The following TRPS1 variants were observed in gnomAD, a reference collection of about 807,000 sequenced individuals.
The protein encoded by TRPS1 is zinc finger transcription factor Trps1.
TRPS1 carries 6 observed loss-of-function variants against 101.2 expected under a neutral mutation model. That is an observed-to-expected ratio of 0.06 (90% CI 0.03 to 0.12). The LOEUF is 0.12. TRPS1 is among the 10% of genes least tolerant of loss of function. The pLI, the probability that TRPS1 is intolerant of heterozygous loss-of-function variation, is 1.00. For missense variants in TRPS1, 1,363 were observed against 1,567.0 expected (o/e 0.87, Z 2.20); for synonymous variants, 578 against 589.8 (o/e 0.98, Z 0.29).
rs1477906332 is a variant in TRPS1 at position 115,619,978 on chromosome 8, T to C, written c.120A>G (p.Glu40=). The C allele has an allele frequency of 6.2e-7, 1 of 1,614,220 alleles. No homozygotes were observed. Among genetic ancestry groups the C allele is most frequent in the Non-Finnish European group, 8.5e-7 (1 of 1,180,052 alleles). The change falls in exon 3 of 7, where the codon GAA becomes GAG. Residue 40 remains glutamate, a synonymous_variant. Coordinates refer to ENST00000395715, the MANE Select transcript of TRPS1 (RefSeq NM_014112.5). ...EGQILEPIGT[E]SKVSGKNKEF... ...CTTTGTTCTTTCCAGATACCTTGCTTTCTGTACCTATAGGCTCCAGGATCT... is the reference window on the plus strand; with the variant it reads ...CTTTGTTCTTTCCAGATACCTTGCTCTCTGTACCTATAGGCTCCAGGATCT...
intron 5 of TRPS1, among the ~76,000 whole-genome samples, chr8:115,550,226 T>G (rs769491672): frequency 3.9e-5 from 6 of 152,080 alleles, no homozygotes; most frequent in African/African-American, 7.2e-5. Flanking sequence ...AAAAGAATGA[T>G]TTCTAATGGC....
intron 2 of TRPS1, 21 bp from the exon 3 acceptor site, chr8:115,620,081 G>A (rs772399420): frequency 1.9e-6 from 3 of 1,610,294 alleles, no homozygotes; most frequent in South Asian, 1.1e-5. Context: ...AAAGGGAAAA[G>A]GCAGATACAG....
rs149930094 is a variant in TRPS1 at position 115,435,543 on chromosome 8, C to T, written c.2701-17091G>A. ...GCTGGCAGGATCCATAGGGGACTCA[C>T]GGTGGGCTGGTTCATGGGAATTGAA... On this transcript the variant is annotated intron_variant, in intron 5 of 6. Transcript: ENST00000395715. 9.9e-3 allele frequency among the ~76,000 whole-genome samples: 1,500 copies of T among 152,158 alleles called. 15 individuals are homozygous for T. Among genetic ancestry groups the T allele is most frequent in the Non-Finnish European group, 0.018 (1,244 of 67,986 alleles).
chr8:115,571,501 A>G (rs969914541), intron 5 of TRPS1, among the ~76,000 whole-genome samples: 8 of 152,204 alleles, frequency 5.3e-5, no homozygotes, highest in Admixed American at 3.9e-4. Context: ...CAAGACTTCC[A>G]TTAACCCCCT....
At chr8:115,592,754 T>A (rs1297057165) in intron 4 of TRPS1, among the ~76,000 whole-genome samples, 1 of 152,198 alleles carries the variant, frequency 6.6e-6, no homozygotes, top group Non-Finnish European at 1.5e-5. Flanking sequence ...AAATTCATAT[T>A]CTGATGCTGG....
intron 1 of TRPS1, among the ~76,000 whole-genome samples, chr8:115,630,067 A>C (rs959631762): frequency 6.6e-6 from 1 of 151,990 alleles, no homozygotes; most frequent in African/African-American, 2.4e-5. Context: ...TAGGTTAGGT[A>C]GATGTCAAAG....
At chr8:115,573,471 G>C (rs1160207575) in intron 5 of TRPS1, among the ~76,000 whole-genome samples, 1 of 152,080 alleles carries the variant, frequency 6.6e-6, no homozygotes, top group Admixed American at 6.6e-5. Flanking sequence ...CTTGAAGACT[G>C]TCTGCTCAGC....
chr8:115,481,889 G>C (rs1814761696), intron 5 of TRPS1, among the ~76,000 whole-genome samples: 1 of 152,174 alleles, frequency 6.6e-6, no homozygotes, highest in African/African-American at 2.4e-5. Context: ...GCACAGTGAA[G>C]AATGTAGTGA....
chr8:115,605,803 C>T (rs911135374), intron 3 of TRPS1, among the ~76,000 whole-genome samples: 5 of 152,122 alleles, frequency 3.3e-5, no homozygotes, highest in Non-Finnish European at 5.9e-5. Context: ...TAAAAAATCA[C>T]TACAACTCTG....
chr8:115,571,505 AC>A (rs1404507095), intron 5 of TRPS1, among the ~76,000 whole-genome samples: 1 of 152,132 alleles, frequency 6.6e-6, no homozygotes, highest in Admixed American at 6.6e-5. Context: ...ACTTCCATTA[AC>A]CCCCTACCAA....
intron 5 of TRPS1, among the ~76,000 whole-genome samples, chr8:115,550,119 C>T (rs755422447): frequency 4.6e-5 from 7 of 152,082 alleles, no homozygotes; most frequent in East Asian, 1.9e-4. Flanking sequence ...TGGGAGGCTG[C>T]GACAGTAGAA....
chr8:115,627,421 T>C (rs1168122218), intron 1 of TRPS1, among the ~76,000 whole-genome samples: 1 of 151,796 alleles, frequency 6.6e-6, no homozygotes, highest in Non-Finnish European at 1.5e-5. Flanking sequence ...CAGTTTCAAC[T>C]TCATCCCTAC....
chr8:115,548,206 C>G lies in TRPS1; in HGVS notation c.2700+38795G>C, dbSNP rs111740007. ...CCATGATTGCACCAGTGTATTCCAG[C>G]CTGGGTGACACAGCAAGATTCAAAA... On this transcript the variant is annotated intron_variant, in intron 5 of 6. Transcript: ENST00000395715. Among the ~76,000 whole-genome samples the G allele has an allele frequency of 4.9e-3, 749 of 152,150 alleles. 2 individuals carry two copies. The highest frequency in any genetic ancestry group is 0.017 in the African/African-American group (715 of 41,508).
At chr8:115,628,557 T>C (rs1818560803) in intron 1 of TRPS1, among the ~76,000 whole-genome samples, 1 of 151,792 alleles carries the variant, frequency 6.6e-6, no homozygotes, top group South Asian at 2.1e-4. Context: ...TAAAATTAAA[T>C]AACTTTTTCC....
At chr8:115,429,662 C>A (rs1813272390) in intron 5 of TRPS1, among the ~76,000 whole-genome samples, 1 of 152,114 alleles carries the variant, frequency 6.6e-6, no homozygotes, top group Non-Finnish European at 1.5e-5. Context: ...GACCTGGCAG[C>A]CCAACTTGAG....
chr8:115,578,820 T>A (rs1227574454), intron 5 of TRPS1, among the ~76,000 whole-genome samples: 2 of 152,142 alleles, frequency 1.3e-5, no homozygotes, highest in East Asian at 3.9e-4. Context: ...TAAGCATGTA[T>A]CACTTATGTA....
At chr8:115,644,616 T>C (rs1334292312) in intron 1 of TRPS1, among the ~76,000 whole-genome samples, 1 of 152,204 alleles carries the variant, frequency 6.6e-6, no homozygotes, top group Non-Finnish European at 1.5e-5. Flanking sequence ...AGTGGCACTT[T>C]TAATTTCCTT....
In TRPS1 at chr8:115,413,862, CCTA is replaced by C; in HGVS notation, c.*158_*160del. On this transcript the variant is annotated 3_prime_UTR_variant, in exon 7 of 7. Coordinates refer to ENST00000395715, the MANE Select transcript of TRPS1 (RefSeq NM_014112.5). ...TTATCTCACTTTTTAATCTTGGTAA[CCTA>C]CTCATCAAAAGAAAGAATAACAAAA... 1.5e-6 allele frequency: 1 copy of C among 678,294 alleles called. No individual in the cohort carries two copies. 42.0% of individuals were successfully genotyped at this position (678,294 alleles called of 1,614,324 possible). A position where few individuals can be genotyped will look rare whatever the true frequency, so the allele number is the denominator to read the frequency against.
intron 5 of TRPS1, among the ~76,000 whole-genome samples, chr8:115,455,780 T>C (rs1180716455): frequency 6.8e-6 from 1 of 147,586 alleles, no homozygotes; most frequent in Admixed American, 6.7e-5. Context: ...TCTTTCTTTT[T>C]TTTTTTTTTT....
Sources: allele counts gnomAD v4.1 joint callset (sites outside exome capture counted in the v4.1 genomes callset), GRCh38; gene constraint gnomAD v4.1.1; transcripts MANE v1.5; gene names NCBI Gene and HGNC (gene_info 2026-07-23, HGNC 2026-07-21).